MYT1L: variants seen among roughly 807,000 people sequenced by gnomAD.
The protein encoded by MYT1L is myelin transcription factor 1 like, also known as myelin transcription factor 1-like protein.
MYT1L carries 12 observed loss-of-function variants against 126.7 expected under a neutral mutation model. The ratio of observed to expected loss-of-function variants is 0.09; its 90% CI spans 0.06 to 0.15. The LOEUF (loss-of-function observed/expected upper bound fraction) is 0.15, where lower values mean the gene tolerates loss of function less well. MYT1L is among the 10% of genes least tolerant of loss of function. The pLI is 1.00. For synonymous variants in MYT1L, 541 were observed against 604.2 expected, an observed-to-expected ratio of 0.90 and a Z score of 1.53; for missense variants, 979 against 1,585.2, an observed-to-expected ratio of 0.62 and a Z score of 6.49.
chr2:1,947,205 G>C (rs2057309148), intron 8 of MYT1L, among the ~76,000 whole-genome samples: 1 of 152,152 alleles, frequency 6.6e-6, no homozygotes, highest in South Asian at 2.1e-4. Context: ...GTGACTGGGG[G>C]TAAGGTGGGG....
intron 24 of MYT1L, 30 bp downstream of exon 24, chr2:1,792,291 C>T (rs1371880470): frequency 1.3e-6 from 2 of 1,576,748 alleles, no homozygotes; most frequent in South Asian, 1.2e-5. Flanking sequence ...GAGGACTCCA[C>T]ATTCCTGCCT....
chr2:2,182,784 A>G (rs2091678772), intron 2 of MYT1L, among the ~76,000 whole-genome samples: 1 of 152,202 alleles, frequency 6.6e-6, no homozygotes, highest in Admixed American at 6.5e-5. Context: ...ACCACCAAAG[A>G]GCAGTGCAGT....
chr2:1,874,909 A>G (rs1384480116), intron 18 of MYT1L, among the ~76,000 whole-genome samples: 2 of 152,106 alleles, frequency 1.3e-5, no homozygotes, highest in Admixed American at 6.5e-5. Flanking sequence ...AAGAGCCCGG[A>G]GCTTGGACAG....
intron 3 of MYT1L, among the ~76,000 whole-genome samples, chr2:2,093,525 G>T (rs937360723): frequency 6.6e-6 from 1 of 151,964 alleles, no homozygotes; most frequent in South Asian, 2.1e-4. Flanking sequence ...TTGCCCACTT[G>T]TTGATGGGGT....
intron 3 of MYT1L, among the ~76,000 whole-genome samples, chr2:2,165,025 G>T (rs2088793257): frequency 6.6e-6 from 1 of 152,210 alleles, no homozygotes; most frequent in Non-Finnish European, 1.5e-5. Context: ...GTAAGGGGCA[G>T]TCAAGGCCTG....
chr2:2,066,623 CAG>C (rs766859601), intron 3 of MYT1L, among the ~76,000 whole-genome samples: 1 of 152,126 alleles, frequency 6.6e-6, no homozygotes, highest in East Asian at 1.9e-4. Flanking sequence ...ACGAAGAAAA[CAG>C]GGGTGGGGCA....
At chr2:2,162,717 A>T (rs954254556) in intron 3 of MYT1L, among the ~76,000 whole-genome samples, 1 of 152,236 alleles carries the variant, frequency 6.6e-6, no homozygotes, top group Admixed American at 6.5e-5. Context: ...TTAAGTTGTG[A>T]CATGAGCAAG....
At chr2:1,836,438 G>A (rs1211547953) in intron 21 of MYT1L, among the ~76,000 whole-genome samples, 2 of 149,594 alleles carry the variant, frequency 1.3e-5, no homozygotes, top group African/African-American at 2.5e-5. Flanking sequence ...CCATCAGCCT[G>A]CACTCCAACA....
At chr2:2,126,164 G>C (rs549815137) in intron 3 of MYT1L, among the ~76,000 whole-genome samples, 1 of 152,188 alleles carries the variant, frequency 6.6e-6, no homozygotes, top group Non-Finnish European at 1.5e-5. Context: ...TTACCTGGGA[G>C]GGAAGTTGCT....
intron 3 of MYT1L, among the ~76,000 whole-genome samples, chr2:2,140,304 T>C (rs2083755539): frequency 6.6e-6 from 1 of 152,204 alleles, no homozygotes. Flanking sequence ...AAGAATGTTT[T>C]GAAAGGCAAT....
In MYT1L at chr2:1,974,248, C is replaced by T. The variant is rs117808120; in HGVS notation, c.152+4917G>A. Among the ~76,000 whole-genome samples the T allele has an allele frequency of 4.9e-3, 745 of 152,224 alleles. 17 individuals are homozygous for T. Among genetic ancestry groups the T allele is most frequent in the East Asian group, 0.045 (232 of 5,152 alleles). The stretch of plus-strand genomic sequence containing the variant: ...GGACACCAGGTTTGAGGCACCAGTG[C>T]CCCCGGCCACCTCTGAGTGTGGTGT... On this transcript the variant is annotated intron_variant, in intron 8 of 24. Transcript: ENST00000647738.
At chr2:1,899,063 G>C (rs973725833) in intron 14 of MYT1L, among the ~76,000 whole-genome samples, 2 of 150,734 alleles carry the variant, frequency 1.3e-5, no homozygotes, top group Non-Finnish European at 3.0e-5. Flanking sequence ...GAGCCCATTT[G>C]GGGGCTGGTA....
chr2:2,088,086 G>C (rs1488138498), intron 3 of MYT1L, among the ~76,000 whole-genome samples: 4 of 152,214 alleles, frequency 2.6e-5, no homozygotes, highest in Non-Finnish European at 5.9e-5. Flanking sequence ...AGAGTGCCCA[G>C]CACATGGTGA....
intron 23 of MYT1L, among the ~76,000 whole-genome samples, chr2:1,799,650 C>T (rs1241860440): frequency 6.6e-6 from 1 of 152,252 alleles, no homozygotes; most frequent in South Asian, 2.1e-4. Flanking sequence ...GAGAGTGCCC[C>T]AAAAGGTGCC....
intron 3 of MYT1L, among the ~76,000 whole-genome samples, chr2:2,063,303 G>C (rs2070777712): frequency 6.6e-6 from 1 of 151,894 alleles, no homozygotes; most frequent in South Asian, 2.1e-4. Context: ...CTTCTTTTTT[G>C]TTTGTTTGGG....
intron 3 of MYT1L, among the ~76,000 whole-genome samples, chr2:2,119,657 T>C (rs560804440): frequency 3.9e-5 from 6 of 152,336 alleles, no homozygotes; most frequent in Non-Finnish European, 7.3e-5. Context: ...CTCAGTTCCT[T>C]ACTTATTCTT....
chr2:2,220,017 CAG>C (rs2093810600), intron 2 of MYT1L, among the ~76,000 whole-genome samples: 1 of 152,044 alleles, frequency 6.6e-6, no homozygotes, highest in Non-Finnish European at 1.5e-5. Context: ...GGACACAGGA[CAG>C]GGGAAAAGCG....
chr2:2,304,322 A>G (rs1012260260), intron 1 of MYT1L, among the ~76,000 whole-genome samples: 2 of 152,212 alleles, frequency 1.3e-5, no homozygotes, highest in Admixed American at 6.5e-5. Flanking sequence ...ATGGTAGGTA[A>G]GTGAGTGGTG....
At chr2:1,974,086 GAGGCCACACC>G (rs2149461697) in intron 8 of MYT1L, among the ~76,000 whole-genome samples, 1 of 152,282 alleles carries the variant, frequency 6.6e-6, no homozygotes, top group East Asian at 1.9e-4. Context: ...TAAATGCCTG[GAGGCCACACC>G]AGGCTGACTT....
Sources: gnomAD v4.1 joint callset for allele counts (sites outside exome capture counted in the v4.1 genomes callset) on GRCh38, gnomAD v4.1.1 for gene constraint, MANE v1.5 for transcripts, NCBI Gene and HGNC (gene_info 2026-07-23, HGNC 2026-07-21) for gene names.